The following CIDEC variants were observed in gnomAD, a reference collection of about 807,000 sequenced individuals.
CIDEC encodes the protein lipid transferase CIDEC.
CIDEC carries 11 observed loss-of-function variants against 21.9 expected under a neutral mutation model. That is an observed-to-expected ratio of 0.50 (90% confidence interval 0.32 to 0.83). CIDEC has a LOEUF of 0.83. Among genes scored for constraint, CIDEC ranks in the 40% least tolerant of loss-of-function variants. CIDEC has a pLI of 0.04. For synonymous variants in CIDEC, 127 were observed against 124.9 expected, an observed-to-expected ratio of 1.02 and a Z score of -0.11; for missense variants, 302 against 302.3, an observed-to-expected ratio of 1.00 and a Z score of 0.01.
At chr3:9,872,658 T>C (rs1404704831) in intron 4 of CIDEC, among the ~76,000 whole-genome samples, 1 of 152,194 alleles carries the variant, frequency 6.6e-6, no homozygotes. Flanking sequence ...TTTTGTGGGC[T>C]GTGTTTTTTA....
chr3:9,867,367 C>A lies in CIDEC; in HGVS notation c.555-71G>T, dbSNP rs1394405718. ...CGGGCATGGCGTTCACGCCTGTAAT[C>A]CTAGCACTTTGGGAGGCCATGGAGG... On this transcript the variant is annotated intron_variant, in intron 6 of 6. Coordinates refer to ENST00000336832, the MANE Select transcript of CIDEC (RefSeq NM_001321142.2). 2.6e-6 allele frequency: 4 copies of A among 1,553,098 alleles called. No homozygotes were observed. The African/African-American group carries it at 5.4e-5, about 21-fold the overall frequency.
At chr3:9,878,759 C>T in intron 2 of CIDEC, 183 bp downstream of exon 2, 1 of 1,536,204 alleles carries the variant, frequency 6.5e-7, no homozygotes, top group Non-Finnish European at 8.7e-7. Context: ...AGCTGCTGCT[C>T]CTGCCCCAGT....
At chr3:9,875,350 G>A (rs1359174720) in intron 4 of CIDEC, among the ~76,000 whole-genome samples, 2 of 145,908 alleles carry the variant, frequency 1.4e-5, no homozygotes, top group African/African-American at 2.5e-5. Context: ...GCACTCCAGC[G>A]TGGGCGACAA....
rs988462569 is a variant in CIDEC at position 9,867,039 on chromosome 3, C to T, written c.*95G>A. The T allele has an allele frequency of 5.5e-5, 77 of 1,394,460 alleles. No individual in the cohort carries two copies. The highest frequency in any genetic ancestry group is 2.8e-4 in the Admixed American group (17 of 59,714). The allele number at this position is 1,394,460 out of a possible 1,614,324, so 86.4% of individuals were successfully genotyped here. On this transcript the variant is annotated 3_prime_UTR_variant, in exon 7 of 7. Transcript: ENST00000336832. ...GGTGAGGGAGGTGTGGGGAGGTTCG[C>T]GGCTCTACAGCTGCCAGGCTTGTGG...
Position 9,869,913 on chromosome 3 carries a change from G to A in CIDEC, c.523C>T (p.Leu175=), listed in dbSNP as rs1204239483. The A allele has an allele frequency of 6.2e-7, 1 of 1,613,490 alleles. No homozygotes were observed. The highest frequency in any genetic ancestry group is 8.5e-7 in the Non-Finnish European group (1 of 1,180,002). ...ATGCGCTTGGCCCCACAGCAGTGCA[G>A]ATCATAGGAAAGGGAGTATGTATCA... ...FYDTYSLSYD[L]HCCGAKRIMK... The change falls in exon 6 of 7, where the codon CTG becomes TTG. Residue 175 remains leucine (L), a synonymous_variant. Coordinates refer to ENST00000336832, the MANE Select transcript of CIDEC (RefSeq NM_001321142.2).
intron 1 of CIDEC, among the ~76,000 whole-genome samples, chr3:9,879,280 T>C (rs1288617354): frequency 6.6e-6 from 1 of 151,826 alleles, no homozygotes; most frequent in Non-Finnish European, 1.5e-5. Context: ...GCCTCCCCCG[T>C]AGCTGGGATT....
rs2082277081 is a variant in CIDEC, at chr3:9,866,918, G to T, written c.*216C>A. ...GTCTGGATGGGCTAAGCTGCCTTGG[G>T]CAGGAAGGAGCTGGATCAGGCCAGG... On this transcript the variant is annotated 3_prime_UTR_variant, in exon 7 of 7. Coordinates refer to ENST00000336832, the MANE Select transcript of CIDEC (RefSeq NM_001321142.2). 4.6e-6 allele frequency: 3 copies of T among 652,624 alleles called. No individual in the cohort carries two copies. Among genetic ancestry groups the T allele is most frequent in the Non-Finnish European group, 8.3e-6 (3 of 359,866 alleles). 40.4% of individuals were successfully genotyped at this position (652,624 alleles called of 1,614,324 possible).
chr3:9,878,600 T>C, intron 2 of CIDEC, 89 bp from the exon 3 acceptor site: 1 of 1,278,794 alleles, frequency 7.8e-7, no homozygotes, highest in Non-Finnish European at 1.1e-6. Flanking sequence ...CCAACCCCTG[T>C]TCAGCAACCT....
intron 4 of CIDEC, among the ~76,000 whole-genome samples, chr3:9,873,551 G>C (rs2082379227): frequency 6.6e-6 from 1 of 152,166 alleles, no homozygotes; most frequent in Non-Finnish European, 1.5e-5. Context: ...GGGAGGTGGA[G>C]CTTGCAGTGA....
In CIDEC at chr3:9,870,049, G is replaced by C. The variant is rs141361690; in HGVS notation, c.387C>G (p.Ser129=). 11 of 1,614,132 alleles carry C rather than the reference G, an allele frequency of 6.8e-6. No homozygotes were observed. The African/African-American group carries it at 1.3e-4, about 20-fold the overall frequency. ...TCTTCTTGGCAGGCTTATGGGAGAG[G>C]GACAGTGGGTGCCTTGTCCCCTGCA... ...PSEQGTRHPL[S]LSHKPAKKID... is the part of the protein sequence containing the mutation. Residue 129 remains serine (S), a synonymous_variant, in exon 6 of 7, where the codon TCC becomes TCG. Coordinates refer to ENST00000336832, the MANE Select transcript of CIDEC (RefSeq NM_001321142.2).
In CIDEC at chr3:9,877,070, AG is replaced by A; in HGVS notation, c.202del (p.Leu68SerfsTer7). On this transcript the variant is annotated frameshift_variant, in exon 4 of 7. Coordinates refer to ENST00000336832, the MANE Select transcript of CIDEC (RefSeq NM_001321142.2). LOFTEE classifies it high-confidence loss of function. ...IMAYSLEDLL[L>X]KVRDTLMLAD... ...GCAACGCGCAGGTGCTCTCACCTTG[AG>A]GAGGAGGTCCTCAAGACTGTAAGCC... is the stretch of plus-strand genomic sequence containing the variant. The A allele has an allele frequency of 6.4e-7, 1 of 1,552,222 alleles. No homozygotes were observed.
chr3:9,877,281 G>A (rs1239419688), intron 3 of CIDEC, 62 bp from the exon 4 acceptor site: 2 of 1,508,366 alleles, frequency 1.3e-6, no homozygotes, highest in Non-Finnish European at 1.8e-6. Context: ...CCACCACACA[G>A]GGGAGCCACC....
Position 9,866,754 on chromosome 3 carries a change from G to C in CIDEC, c.*380C>G, listed in dbSNP as rs1216159833. ...TATTGCAAACTCCCTAATATCACAT[G>C]CTAGTGCGCTTGCGAATTCACTCAG... On this transcript the variant is annotated 3_prime_UTR_variant, in exon 7 of 7. Coordinates refer to ENST00000336832, the MANE Select transcript of CIDEC (RefSeq NM_001321142.2). 5.9e-6 allele frequency: 3 copies of C among 506,018 alleles called. No homozygotes were observed. Among genetic ancestry groups the C allele is most frequent in the African/African-American group, 5.7e-5 (3 of 52,498 alleles). 31.3% of individuals were successfully genotyped at this position (506,018 alleles called of 1,614,324 possible). A position where few individuals can be genotyped will look rare whatever the true frequency, so the allele number is the denominator to read the frequency against.
At chr3:9,872,804 A>G (rs1030468832) in intron 4 of CIDEC, among the ~76,000 whole-genome samples, 2 of 152,100 alleles carry the variant, frequency 1.3e-5, no homozygotes, top group African/African-American at 4.8e-5. Context: ...CCTAGCCAAC[A>G]TGGTGAAACC....
At chr3:9,872,546 G>A (rs369296789) in intron 4 of CIDEC, among the ~76,000 whole-genome samples, 10 of 152,200 alleles carry the variant, frequency 6.6e-5, no homozygotes, top group African/African-American at 9.6e-5. Flanking sequence ...AATCCTTTGC[G>A]CATTTTTAAT....
intron 2 of CIDEC, 63 bp downstream of exon 2, chr3:9,878,879 T>A: frequency 3.4e-6 from 5 of 1,450,644 alleles, no homozygotes; most frequent in Non-Finnish European, 4.7e-6. Flanking sequence ...GGGGACAGAG[T>A]CCACTTTACG....
intron 6 of CIDEC, among the ~76,000 whole-genome samples, 162 bp downstream of exon 6, chr3:9,869,720 C>T (rs61279684): frequency 0.017 from 2,532 of 152,320 alleles, 73 homozygotes; most frequent in African/African-American, 0.058. Context: ...TCGTCCACAG[C>T]ACTTCGAGAG....
chr3:9,873,090 G>A (rs1229674632), intron 4 of CIDEC, among the ~76,000 whole-genome samples: 8 of 151,868 alleles, frequency 5.3e-5, no homozygotes, highest in Non-Finnish European at 1.2e-4. Flanking sequence ...TTTTGGTTTT[G>A]TTTTTTTGTT....
chr3:9,870,845 G>T (rs947696189), intron 4 of CIDEC, among the ~76,000 whole-genome samples: 10 of 151,948 alleles, frequency 6.6e-5, no homozygotes, highest in Admixed American at 1.3e-4. Context: ...TGGCTATGTT[G>T]CTCAGACTGG....
Sources: allele counts gnomAD v4.1 joint callset (sites outside exome capture counted in the v4.1 genomes callset), GRCh38; gene constraint gnomAD v4.1.1; transcripts MANE v1.5; gene names NCBI Gene and HGNC (gene_info 2026-07-23, HGNC 2026-07-21).